Variants in NADK2 observed in about 807,000 individuals in gnomAD.
The protein encoded by NADK2 is NAD kinase 2, mitochondrial.
NADK2 carries 35 observed loss-of-function variants against 62.1 expected under a neutral mutation model. That is an observed-to-expected ratio of 0.56 (90% CI 0.43 to 0.75). The LOEUF (loss-of-function observed/expected upper bound fraction) is 0.75. Ranked by LOEUF, NADK2 falls within the 30% of genes least tolerant of loss-of-function variation. The pLI is 0.00. For missense variants in NADK2, 439 were observed against 561.3 expected (o/e 0.78, Z 2.20); for synonymous variants, 205 against 207.9 (o/e 0.99, Z 0.12).
intron 7 of NADK2, among the ~76,000 whole-genome samples, chr5:36,211,619 CTTTA>C (rs1414792838): frequency 6.6e-6 from 1 of 151,880 alleles, no homozygotes; most frequent in African/African-American, 2.4e-5. Context: ...AGTACAATAA[CTTTA>C]TTTAATCTAG....
chr5:36,234,899 C>T (rs1279801596), intron 1 of NADK2, among the ~76,000 whole-genome samples: 2 of 152,170 alleles, frequency 1.3e-5, no homozygotes, highest in Admixed American at 1.3e-4. Flanking sequence ...ATTGTTCTCT[C>T]CCTTCCCTGT....
At position 36,219,548 on chromosome 5, in the gene NADK2, C is replaced by T. The variant is rs775961245; in HGVS notation, c.644+48G>A. On this transcript the variant is annotated intron_variant, in intron 5 of 11. Transcript: ENST00000381937. ...TTTTTTAACAGCATTATTAATGGCA[C>T]ATACTTATTAAGATACTTACATAAG... 1.1e-5 allele frequency: 17 copies of T among 1,488,976 alleles called. No individual in the cohort carries two copies. The South Asian group carries it at 1.9e-4, about 17-fold the overall frequency. The allele number at this position is 1,488,976 out of a possible 1,614,324, so 92.2% of individuals were successfully genotyped here. A position where few individuals can be genotyped will look rare whatever the true frequency, so the allele number is the denominator to read the frequency against.
At position 36,227,509 on chromosome 5, in the gene NADK2, G is replaced by T; in HGVS notation, c.357C>A (p.Thr119=). The stretch of plus-strand genomic sequence containing the variant: ...TATCTATAATATGTTCTACATTTTT[G>T]GTGTGAATATGATGTCGTTCAAGAA... ...SGLLERHHIH[T]KNVEHIIDSL... is the part of the protein sequence containing the mutation. Residue 119 remains threonine, a synonymous_variant, in exon 2 of 12, where the codon ACC becomes ACA. Coordinates refer to ENST00000381937, the MANE Select transcript of NADK2 (RefSeq NM_001085411.3). The T allele has an allele frequency of 6.4e-7, 1 of 1,552,480 alleles. No individual in the cohort carries two copies. Among genetic ancestry groups the T allele is most frequent in the Admixed American group, 2.0e-5 (1 of 50,758 alleles).
chr5:36,200,254 G>A lies in NADK2; in HGVS notation c.1039C>T (p.Pro347Ser). 1 of 1,582,882 alleles carries A rather than the reference G, an allele frequency of 6.3e-7. No individual in the cohort carries two copies. Among genetic ancestry groups the A allele is most frequent in the Non-Finnish European group, 8.6e-7 (1 of 1,163,734 alleles). The stretch of plus-strand genomic sequence containing the variant: ...TTCTCTACCAATTCTCTGTTCAATG[G>A]AAGACTCAAATTTCCTTGTCGTTTT... ...IAKRQGNLSLPLNRELVEKVT... is the reference protein window; with the variant it reads ...IAKRQGNLSLSLNRELVEKVT... Residue 347 changes from proline to serine, a missense_variant, in exon 10 of 12, where the codon CCA becomes TCA. By Grantham distance (74) the Pro-to-Ser change is moderately conservative. Transcript: ENST00000381937.
At chr5:36,199,954 G>A (rs1746374823) in intron 10 of NADK2, among the ~76,000 whole-genome samples, 1 of 151,952 alleles carries the variant, frequency 6.6e-6, no homozygotes, top group African/African-American at 2.4e-5. Context: ...TCCTATTTGT[G>A]AGATAAGGAT....
intron 1 of NADK2, among the ~76,000 whole-genome samples, chr5:36,233,836 T>C (rs967600656): frequency 6.6e-6 from 1 of 152,174 alleles, no homozygotes; most frequent in African/African-American, 2.4e-5. Flanking sequence ...GTCTTGCTGT[T>C]CTCTCCTTCA....
At chr5:36,217,132 A>T (rs1443381590) in intron 6 of NADK2, among the ~76,000 whole-genome samples, 1 of 152,126 alleles carries the variant, frequency 6.6e-6, no homozygotes, top group African/African-American at 2.4e-5. Context: ...CATAGGAGAA[A>T]ACTGTATCTT....
chr5:36,234,239 G>A (rs1747814845), intron 1 of NADK2, among the ~76,000 whole-genome samples: 1 of 151,348 alleles, frequency 6.6e-6, no homozygotes, highest in Non-Finnish European at 1.5e-5. Context: ...CGGGCATGGT[G>A]GCGCGCGCCT....
intron 5 of NADK2, 138 bp downstream of exon 5, chr5:36,219,458 G>A (rs752298786): frequency 1.7e-5 from 11 of 634,768 alleles, no homozygotes; most frequent in South Asian, 6.7e-5. Flanking sequence ...TGATCCACCC[G>A]CATCGGCCTC....
chr5:36,195,356 TAGC>T, intron 11 of NADK2, 74 bp from the exon 12 acceptor site: 1 of 1,415,986 alleles, frequency 7.1e-7, no homozygotes, highest in East Asian at 2.6e-5. Context: ...AATTTTAACC[TAGC>T]AGATCATTTG....
intron 9 of NADK2, 49 bp from the exon 10 acceptor site, chr5:36,200,329 T>A: frequency 8.7e-6 from 10 of 1,147,564 alleles, no homozygotes; most frequent in Non-Finnish European, 1.2e-5. Flanking sequence ...TATATATATC[T>A]TATATATATA....
chr5:36,235,907 A>AT (rs559680458), intron 1 of NADK2, among the ~76,000 whole-genome samples: 243 of 2,104 alleles, frequency 0.12, 2 homozygotes, highest in East Asian at 0.22. Context: ...ATATATATAT[A>AT]AAAAATAAAT....
chr5:36,206,964 A>G (rs1452154821), intron 8 of NADK2, among the ~76,000 whole-genome samples: 2 of 152,124 alleles, frequency 1.3e-5, no homozygotes, highest in African/African-American at 4.8e-5. Flanking sequence ...CTAGTGCTCA[A>G]TAATGACCAA....
At chr5:36,207,117 C>A (rs1746668949) in intron 8 of NADK2, 53 bp downstream of exon 8, 1 of 1,463,430 alleles carries the variant, frequency 6.8e-7, no homozygotes, top group Non-Finnish European at 9.6e-7. Flanking sequence ...CAAAATATTA[C>A]ATTACTAAAA....
In NADK2 at chr5:36,205,240, GAAA is replaced by G. The variant is rs946644230; in HGVS notation, c.956+1927_956+1929del. Among the ~76,000 whole-genome samples, 6 of 152,050 alleles carry G rather than the reference GAAA, an allele frequency of 3.9e-5. No homozygotes were observed. The highest frequency in any genetic ancestry group is 1.4e-4 in the African/African-American group (6 of 41,402). On this transcript the variant is annotated intron_variant, in intron 8 of 11. Transcript: ENST00000381937. This position sits in a 1 kb window ranked among gnomAD's most constrained non-coding sequence, Gnocchi z 4.1. ...AATAGCGGCTATAATAGTGCTATGA[GAAA>G]AAGTGTTAGGGAAGGATGAAAATGA... is the stretch of plus-strand genomic sequence containing the variant.
chr5:36,227,700 A>C, intron 1 of NADK2, 135 bp from the exon 2 acceptor site: 1 of 418,948 alleles, frequency 2.4e-6, no homozygotes, highest in South Asian at 9.6e-5. Context: ...TGAAACCTAC[A>C]AGTACAAATT....
At chr5:36,233,509 C>T (rs566071067) in intron 1 of NADK2, among the ~76,000 whole-genome samples, 172 of 152,272 alleles carry the variant, frequency 1.1e-3, no homozygotes, top group African/African-American at 3.9e-3. Context: ...CCTCAATATA[C>T]TATGATTTTC....
At chr5:36,239,485 A>C (rs1246255388) in intron 1 of NADK2, among the ~76,000 whole-genome samples, 1 of 152,230 alleles carries the variant, frequency 6.6e-6, no homozygotes, top group Admixed American at 6.5e-5. Flanking sequence ...ACAGCCCACG[A>C]GTTTTACTTC....
At chr5:36,222,588 T>A (rs1747313432) in intron 4 of NADK2, among the ~76,000 whole-genome samples, 1 of 152,240 alleles carries the variant, frequency 6.6e-6, no homozygotes, top group Admixed American at 6.5e-5. Flanking sequence ...CTAAGGAATT[T>A]ACAATGTATC....
Sources: allele counts gnomAD v4.1 joint callset (sites outside exome capture counted in the v4.1 genomes callset), GRCh38; gene constraint gnomAD v4.1.1; non-coding constraint Gnocchi (gnomAD v3.1); transcripts MANE v1.5; gene names NCBI Gene and HGNC (gene_info 2026-07-23, HGNC 2026-07-21).